The following GLOD5 variants were observed in gnomAD, a reference collection of about 807,000 sequenced individuals.
GLOD5 encodes the protein glyoxalase domain-containing protein 5.
GLOD5 carries 7 observed loss-of-function variants against 9.9 expected under a neutral mutation model. The ratio of observed to expected loss-of-function variants is 0.71; its 90% CI spans 0.40 to 1.33. The LOEUF (loss-of-function observed/expected upper bound fraction) is 1.33. Among genes scored for constraint, GLOD5 ranks in the 40% most tolerant of loss-of-function variants. GLOD5 has a pLI of 0.01. For synonymous variants in GLOD5, 49 were observed against 47.3 expected (o/e 1.04, Z -0.14); for missense variants, 146 against 128.4 (o/e 1.14, Z -0.66).
chrX:48,772,840 G>A (rs782752500), intron 3 of GLOD5, among the ~76,000 whole-genome samples: 1 of 110,768 alleles, frequency 9.0e-6, no homozygotes, highest in Non-Finnish European at 1.9e-5. Flanking sequence ...AGGCCATCTA[G>A]CTGATAAGTG....
Position 48,770,989 on chromosome X carries a change from ATT to A in GLOD5, c.266_267del (p.Phe89Ter). 1 of 1,202,042 alleles carries A rather than the reference ATT, an allele frequency of 8.3e-7. No individual in the cohort carries two copies. Among genetic ancestry groups the A allele is most frequent in the Non-Finnish European group, 1.1e-6 (1 of 889,083 alleles). ...KFNLHEVGKE[F>X]EPKAAHPVPG... ...TTAACCTCCACGAGGTGGGAAAGGA[ATT>A]TGAACCCAAAGCCGCTCACCCAGTT... On this transcript the variant is annotated frameshift_variant, in exon 3 of 4. Coordinates refer to ENST00000303227, the MANE Select transcript of GLOD5 (RefSeq NM_001080489.3). LOFTEE classifies it high-confidence loss of function.
intron 2 of GLOD5, among the ~76,000 whole-genome samples, chrX:48,767,519 G>A (rs1602207285): frequency 9.0e-6 from 1 of 111,008 alleles, no homozygotes; most frequent in East Asian, 2.8e-4. Flanking sequence ...CCCTGATTAC[G>A]TGGATCACCT....
intron 1 of GLOD5, 94 bp downstream of exon 1, chrX:48,761,947 C>T: frequency 9.4e-6 from 6 of 635,922 alleles, no homozygotes; most frequent in Non-Finnish European, 1.5e-5. Context: ...CTCCCATTTC[C>T]TGTCCTCCTC....
Position 48,769,029 on chromosome X carries a change from CA to C in GLOD5, c.202-1883del, listed in dbSNP as rs58245912. Among the ~76,000 whole-genome samples the C allele has an allele frequency of 9.4e-3, 454 of 48,348 alleles. 1 individual carries two copies. The highest frequency in any genetic ancestry group is 0.023 in the African/African-American group (288 of 12,506). The allele number at this position is 48,348 out of a possible 115,157, so 42.0% of individuals were successfully genotyped here. ...TGGGTGACAGAGCGAGACTCTGTCT[CA>C]AAAAAAAAAAAAAAGTGAAATAAAG... On this transcript the variant is annotated intron_variant, in intron 2 of 3. Transcript: ENST00000303227.
At chrX:48,765,642 G>C in intron 1 of GLOD5, 193 bp from the exon 2 acceptor site, 1 of 501,680 alleles carries the variant, frequency 2.0e-6, no homozygotes, top group Non-Finnish European at 3.6e-6. Context: ...GGTCATGGTA[G>C]ACATGTGGGC....
chrX:48,773,317 A>G lies in GLOD5; in HGVS notation c.365A>G (p.Asp122Gly), dbSNP rs1377014756. 1 of 1,210,294 alleles carries G rather than the reference A, an allele frequency of 8.3e-7. No individual in the cohort carries two copies. Among genetic ancestry groups the G allele is most frequent in the African/African-American group, 1.7e-5 (1 of 57,485 alleles). Residue 122 changes from aspartate (D) to glycine (G), a missense_variant, in exon 4 of 4, where the codon GAT (aspartate) becomes GGT (glycine). Coordinates refer to ENST00000303227, the MANE Select transcript of GLOD5 (RefSeq NM_001080489.3). The part of the protein sequence containing the change: ...EEMIQHLKAC[D>G]VPIEEGPVPR... The stretch of plus-strand genomic sequence containing the variant: ...CTTTTCTTCCCACTTCAGGCTTGTG[A>G]TGTCCCTATTGAGGAGGGGCCAGTC...
chrX:48,773,279 G>C (rs1557017640), intron 3 of GLOD5, 31 bp from the exon 4 acceptor site: 3 of 1,204,638 alleles, frequency 2.5e-6, no homozygotes, highest in East Asian at 3.0e-5. Context: ...ACATTTTGAC[G>C]AACGACTTTT....
intron 2 of GLOD5, among the ~76,000 whole-genome samples, chrX:48,766,557 C>G (rs1348457404): frequency 9.1e-6 from 1 of 109,807 alleles, no homozygotes; most frequent in Non-Finnish European, 1.9e-5. Context: ...TTGAGACCAG[C>G]CTGGCCAACA....
intron 2 of GLOD5, among the ~76,000 whole-genome samples, chrX:48,768,928 G>A (rs1557016984): frequency 9.2e-6 from 1 of 109,114 alleles, no homozygotes; most frequent in East Asian, 2.9e-4. Context: ...TACTCGGGAG[G>A]CTGAGGCAGG....
chrX:48,769,843 G>A (rs2062617945), intron 2 of GLOD5, among the ~76,000 whole-genome samples: 1 of 108,160 alleles, frequency 9.2e-6, no homozygotes, highest in Non-Finnish European at 1.9e-5. Context: ...AGCCAGGCGT[G>A]GTGGGGTGTG....
chrX:48,765,577 C>CAAAAAAAAAAAAAAAAAAAAAAAAA (rs66661999), intron 1 of GLOD5: 1 of 101,377 alleles, frequency 9.9e-6, no homozygotes, highest in Non-Finnish European at 1.7e-5. Context: ...GACTCTGTCT[C>CAAAAAAAAAAAAAAAAAAAAAAAAA]AAAAAAAAAA....
In GLOD5 at chrX:48,773,571, C is replaced by G. The variant is rs1459483167; in HGVS notation, c.*136C>G. On this transcript the variant is annotated 3_prime_UTR_variant, in exon 4 of 4. Transcript: ENST00000303227. ...TCACACATCCTGCTGAGGGGGGACC[C>G]AAGACAGGTTTGGGACCAAACCTAC... 5 of 694,109 alleles carry G rather than the reference C, an allele frequency of 7.2e-6. No individual in the cohort carries two copies. The African/African-American group carries it at 1.1e-4, about 15-fold the overall frequency. 57.2% of individuals were successfully genotyped at this position (694,109 alleles called of 1,213,427 possible).
intron 2 of GLOD5, among the ~76,000 whole-genome samples, chrX:48,767,282 G>A (rs1367145022): frequency 9.0e-6 from 1 of 111,364 alleles, no homozygotes; most frequent in African/African-American, 3.3e-5. Context: ...GTGAATGGAT[G>A]TATCAACTGT....
intron 1 of GLOD5, 134 bp from the exon 2 acceptor site, chrX:48,765,701 C>A: frequency 1.4e-6 from 1 of 701,339 alleles, no homozygotes; most frequent in Non-Finnish European, 2.3e-6. Flanking sequence ...TAAGTATTCT[C>A]TCAGGCCTTT....
intron 3 of GLOD5, among the ~76,000 whole-genome samples, chrX:48,771,814 A>G (rs1177598505): frequency 1.8e-5 from 2 of 112,168 alleles, no homozygotes. Flanking sequence ...TTAAAGAGAT[A>G]CTAAGAACTT....
intron 3 of GLOD5, 75 bp downstream of exon 3, chrX:48,771,157 A>T: frequency 1.2e-6 from 1 of 839,515 alleles, no homozygotes. Flanking sequence ...CCAGAGAGGT[A>T]ACAAGTTTTA....
intron 2 of GLOD5, among the ~76,000 whole-genome samples, chrX:48,766,893 C>T (rs1557016749): frequency 1.0e-5 from 1 of 98,893 alleles, no homozygotes; most frequent in East Asian, 3.2e-4. Context: ...TGGCTCACAC[C>T]TGTAATCCCA....
chrX:48,761,894 G>A, intron 1 of GLOD5, 41 bp downstream of exon 1: 1 of 1,045,175 alleles, frequency 9.6e-7, no homozygotes, highest in Non-Finnish European at 1.3e-6. Context: ...CAAGGGTGTT[G>A]GCACTGAAAC....
chrX:48,764,373 A>G (rs2062603718), intron 1 of GLOD5, among the ~76,000 whole-genome samples: 1 of 111,390 alleles, frequency 9.0e-6, no homozygotes, highest in Non-Finnish European at 1.9e-5. Context: ...ATCATCATCA[A>G]TCGTTTTATA....
Sources: gnomAD v4.1 joint callset for allele counts (sites outside exome capture counted in the v4.1 genomes callset) on GRCh38, gnomAD v4.1.1 for gene constraint, MANE v1.5 for transcripts, NCBI Gene and HGNC (gene_info 2026-07-23, HGNC 2026-07-21) for gene names.